C2orf66: variants seen among roughly 807,000 people sequenced by gnomAD.
C2orf66 encodes the protein uncharacterized protein C2orf66.
C2orf66 carries 6 observed loss-of-function variants against 7.0 expected under a neutral mutation model. That is an observed-to-expected ratio of 0.86 (90% CI 0.47 to 1.69). The LOEUF is 1.69. Among genes scored for constraint, C2orf66 ranks in the 40% most tolerant of loss-of-function variants. The pLI, the probability that C2orf66 is intolerant of heterozygous loss-of-function variation, is 0.01. For synonymous variants in C2orf66, 38 were observed against 43.8 expected, an observed-to-expected ratio of 0.87 and a Z score of 0.52; for missense variants, 107 against 112.0, an observed-to-expected ratio of 0.96 and a Z score of 0.20.
At chr2:196,806,633 G>A (rs974403340) in intron 2 of C2orf66, among the ~76,000 whole-genome samples, 2 of 151,320 alleles carry the variant, frequency 1.3e-5, no homozygotes, top group Non-Finnish European at 3.0e-5. Flanking sequence ...GGTGGATCAC[G>A]AGGTCAGGAG....
the C2orf66 span, among the ~76,000 whole-genome samples, chr2:196,825,721 TA>T: frequency 6.6e-6 from 1 of 152,188 alleles, no homozygotes; most frequent in East Asian, 1.9e-4. Flanking sequence ...GAGGAAGACA[TA>T]ATTCACTTTC....
intron 2 of C2orf66, among the ~76,000 whole-genome samples, chr2:196,805,704 G>A (rs1327220910): frequency 6.6e-6 from 1 of 151,688 alleles, no homozygotes; most frequent in African/African-American, 2.4e-5. Context: ...GTATTTATTT[G>A]ATATTTTCTA....
upstream of C2orf66, among the ~76,000 whole-genome samples, chr2:196,811,162 C>G (rs2125759176): frequency 6.6e-6 from 1 of 152,224 alleles, no homozygotes; most frequent in East Asian, 1.9e-4. Context: ...GAAATTATGC[C>G]AGGCGTAGAG....
At chr2:196,817,087 C>T in the C2orf66 span, among the ~76,000 whole-genome samples, 3 of 152,018 alleles carry the variant, frequency 2.0e-5, no homozygotes, top group Non-Finnish European at 4.4e-5. Context: ...AAAAGGAGAA[C>T]AAAGATCACA....
the C2orf66 span, among the ~76,000 whole-genome samples, chr2:196,819,193 G>A: frequency 1.2e-4 from 19 of 152,086 alleles, no homozygotes; most frequent in South Asian, 2.1e-4. Context: ...CATTTCAACC[G>A]TTCTTGCCAG....
chr2:196,818,525 T>A, the C2orf66 span, among the ~76,000 whole-genome samples: 2 of 152,148 alleles, frequency 1.3e-5, no homozygotes, highest in South Asian at 4.1e-4. Context: ...AGCCAATGCA[T>A]CCCTTTAAAT....
upstream of C2orf66, among the ~76,000 whole-genome samples, chr2:196,810,956 A>C (rs1992170): frequency 0.12 from 17,816 of 152,328 alleles, 1,115 homozygotes; most frequent in Non-Finnish European, 0.14. Context: ...CATTTCTATG[A>C]AATAGCGAGT....
chr2:196,807,276 A>G (rs992680893), intron 2 of C2orf66, 148 bp downstream of exon 2: 1 of 474,844 alleles, frequency 2.1e-6, no homozygotes, highest in South Asian at 4.8e-5. Flanking sequence ...CCAAATCCAA[A>G]TACTTAATAG....
At chr2:196,826,779 C>A in the C2orf66 span, among the ~76,000 whole-genome samples, 2 of 151,930 alleles carry the variant, frequency 1.3e-5, no homozygotes, top group Non-Finnish European at 2.9e-5. Context: ...ACACCTGTAA[C>A]CCCAGCACTT....
At chr2:196,807,362 A>G (rs1699829194) in intron 2 of C2orf66, 62 bp downstream of exon 2, 4 of 963,826 alleles carry the variant, frequency 4.2e-6, no homozygotes, top group South Asian at 1.6e-5. Flanking sequence ...TACTTTCAAA[A>G]TATCTACTTT....
chr2:196,809,256 C>T lies in C2orf66; in HGVS notation c.81G>A (p.Glu27=). 1 of 1,614,086 alleles carries T rather than the reference C, an allele frequency of 6.2e-7. No individual in the cohort carries two copies. The highest frequency in any genetic ancestry group is 8.5e-7 in the Non-Finnish European group (1 of 1,179,990). ...GGTTGTTGAGTGGCTTCCATTTGTCCTCATTTCTTACTGTGGCTCCATTCA... is the reference window on the plus strand; with the variant it reads ...GGTTGTTGAGTGGCTTCCATTTGTCTTCATTTCTTACTGTGGCTCCATTCA... ...GHVNGATVRN[E]DKWKPLNNPR... is the part of the protein sequence containing the mutation. Residue 27 remains glutamate, a synonymous_variant, in exon 1 of 3, where the codon GAG becomes GAA. Transcript: ENST00000342506.
rs1169705652 is a variant in C2orf66, at chr2:196,809,326, G to A, written c.11C>T (p.Ala4Val). 1 of 1,614,076 alleles carries A rather than the reference G, an allele frequency of 6.2e-7. No homozygotes were observed. The stretch of plus-strand genomic sequence containing the variant: ...GGCAACACATAGTAGCAGGAGAGGT[G>A]CTCTGGTCATGGTGGAGTGAAGCTG... MTR[A>V]PLLLLCVALV... The change falls in exon 1 of 3, where the codon GCA (alanine) becomes GTA (valine). Residue 4 changes from alanine to valine, a missense_variant. Coordinates refer to ENST00000342506, the MANE Select transcript of C2orf66 (RefSeq NM_213608.3).
the C2orf66 span, among the ~76,000 whole-genome samples, chr2:196,819,416 G>A: frequency 6.6e-6 from 1 of 152,134 alleles, no homozygotes; most frequent in African/African-American, 2.4e-5. Context: ...AAGGATACAG[G>A]GAGAAGATGA....
At chr2:196,811,723 G>T (rs1286079902), upstream of C2orf66, among the ~76,000 whole-genome samples, 1 of 152,184 alleles carries the variant, frequency 6.6e-6, no homozygotes, top group Non-Finnish European at 1.5e-5. Context: ...GCTCAAAGGA[G>T]AAATCTGGGA....
chr2:196,807,709 A>C, intron 1 of C2orf66, 87 bp from the exon 2 acceptor site: 1 of 1,109,742 alleles, frequency 9.0e-7, no homozygotes, highest in Non-Finnish European at 1.3e-6. Flanking sequence ...TTTTCCCCTG[A>C]ATTGACTTTA....
the C2orf66 span, among the ~76,000 whole-genome samples, chr2:196,824,474 T>A: frequency 6.6e-6 from 1 of 152,222 alleles, no homozygotes; most frequent in Non-Finnish European, 1.5e-5. Context: ...TCTTCAAAGT[T>A]GAATTATAGC....
chr2:196,815,265 G>T, the C2orf66 span, among the ~76,000 whole-genome samples: 7 of 151,984 alleles, frequency 4.6e-5, no homozygotes, highest in African/African-American at 1.7e-4. Context: ...CACCATGCCT[G>T]GCCAGTTTCT....
chr2:196,824,173 G>A, the C2orf66 span, among the ~76,000 whole-genome samples: 2 of 152,224 alleles, frequency 1.3e-5, no homozygotes, highest in East Asian at 3.9e-4. Context: ...CAGGCAATCT[G>A]GCTTGAATTC....
chr2:196,807,636 G>C lies in C2orf66; in HGVS notation c.124-14C>G. The C allele has an allele frequency of 6.3e-7, 1 of 1,595,978 alleles. No homozygotes were observed. The highest frequency in any genetic ancestry group is 8.5e-7 in the Non-Finnish European group (1 of 1,173,112). On this transcript the variant is annotated splice_polypyrimidine_tract_variant and intron_variant, in intron 1 of 2. Transcript: ENST00000342506. ...CCTTCTGAAAAACTAAAGAGAGAAA[G>C]AAAATGGTCAATGCCAGATATAAAT...
Sources: allele counts gnomAD v4.1 joint callset (sites outside exome capture counted in the v4.1 genomes callset), GRCh38; gene constraint gnomAD v4.1.1; transcripts MANE v1.5; gene names NCBI Gene and HGNC (gene_info 2026-07-23, HGNC 2026-07-21).